The following TOM1L2 variants were observed in gnomAD, a reference collection of about 807,000 sequenced individuals.
TOM1L2 encodes TOM1-like protein 2.
In TOM1L2, 31 loss-of-function variants were observed where a neutral mutation model predicts 67.9. The observed-to-expected ratio is 0.46, with a 90% confidence interval of 0.34 to 0.62. The LOEUF (loss-of-function observed/expected upper bound fraction) is 0.62. Ranked by LOEUF, TOM1L2 falls within the 20% of genes least tolerant of loss-of-function variation. The probability of loss-of-function intolerance (pLI) is 0.01; values close to 1 mark genes in which losing one functional copy is unlikely to be tolerated. For missense variants in TOM1L2, 606 were observed against 663.5 expected, an observed-to-expected ratio of 0.91 and a Z score of 0.95; for synonymous variants, 256 against 254.0, an observed-to-expected ratio of 1.01 and a Z score of -0.07.
intron 4 of TOM1L2, among the ~76,000 whole-genome samples, chr17:17,890,063 C>G (rs73299893): frequency 0.024 from 3,674 of 152,270 alleles, 148 homozygotes; most frequent in African/African-American, 0.083. Flanking sequence ...GCAGCACTTT[C>G]TCTCCTGGGG....
chr17:17,856,711 A>G (rs2036270113), intron 12 of TOM1L2, among the ~76,000 whole-genome samples: 1 of 152,198 alleles, frequency 6.6e-6, no homozygotes, highest in South Asian at 2.1e-4. Context: ...TCTCCAGCTC[A>G]GGCTCCATCA....
chr17:17,930,151 C>T (rs1019733576), intron 1 of TOM1L2, among the ~76,000 whole-genome samples: 17 of 152,302 alleles, frequency 1.1e-4, no homozygotes, highest in Non-Finnish European at 4.4e-5. Flanking sequence ...GGTTATCAGA[C>T]CATGAGACAG....
At chr17:17,967,598 CTT>C (rs2041916872) in intron 1 of TOM1L2, among the ~76,000 whole-genome samples, 1 of 152,134 alleles carries the variant, frequency 6.6e-6, no homozygotes, top group Non-Finnish European at 1.5e-5. Context: ...CATGGCTAGG[CTT>C]TCTCTCTCTT....
intron 7 of TOM1L2, among the ~76,000 whole-genome samples, chr17:17,879,237 C>T (rs572158808): frequency 6.6e-6 from 1 of 152,180 alleles, no homozygotes; most frequent in Non-Finnish European, 1.5e-5. Flanking sequence ...AGAAATAGTA[C>T]AAGCTCAACT....
chr17:17,954,593 G>A (rs1322355703), intron 1 of TOM1L2, among the ~76,000 whole-genome samples: 1 of 152,194 alleles, frequency 6.6e-6, no homozygotes, highest in South Asian at 2.1e-4. Flanking sequence ...GATTACAAGT[G>A]TGAGCCACCG....
At chr17:17,909,096 G>A (rs1227640735) in intron 1 of TOM1L2, among the ~76,000 whole-genome samples, 1 of 152,158 alleles carries the variant, frequency 6.6e-6, no homozygotes, top group Non-Finnish European at 1.5e-5. Context: ...CAGGAGAATG[G>A]CGTAAACCCA....
chr17:17,900,664 T>C (rs2038810232), intron 2 of TOM1L2, among the ~76,000 whole-genome samples: 1 of 152,152 alleles, frequency 6.6e-6, no homozygotes, highest in Non-Finnish European at 1.5e-5. Context: ...TCTTGGCCCC[T>C]GGGTCAAAGG....
At chr17:17,890,239 G>A (rs1250689623) in intron 4 of TOM1L2, among the ~76,000 whole-genome samples, 4 of 152,114 alleles carry the variant, frequency 2.6e-5, no homozygotes, top group Non-Finnish European at 4.4e-5. Context: ...GTGAGGATGC[G>A]AAGCAACTAA....
At position 17,960,906 on chromosome 17, in the gene TOM1L2, G is replaced by T. The variant is rs550418562; in HGVS notation, c.52+11356C>A. On this transcript the variant is annotated intron_variant, in intron 1 of 14. Coordinates refer to ENST00000379504, the MANE Select transcript of TOM1L2 (RefSeq NM_001082968.2). ...CGACTGAAAGATAAGGGCATGACAC[G>T]GAAGGTACAAGCAACAAAAGAAAAA... Among the ~76,000 whole-genome samples, 3 of 152,196 alleles carry T rather than the reference G, an allele frequency of 2.0e-5. No individual in the cohort carries two copies. The South Asian group carries it at 6.2e-4, about 32-fold the overall frequency.
chr17:17,884,868 C>A, intron 4 of TOM1L2, 100 bp from the exon 5 acceptor site: 7 of 1,485,690 alleles, frequency 4.7e-6, no homozygotes, highest in Non-Finnish European at 6.4e-6. Context: ...CCAGTGCTCT[C>A]CTACTTGCAC....
chr17:17,905,037 C>CA lies in TOM1L2; in HGVS notation c.137+2409dup, dbSNP rs545422622. ...CAGTAAACATGGCCAGATGACTGGA[C>CA]AAACAAGTGAATGAGTGGCATGTTA... On this transcript the variant is annotated intron_variant, in intron 2 of 14. Transcript: ENST00000379504. 5.4e-4 allele frequency among the ~76,000 whole-genome samples: 82 copies of CA among 152,206 alleles called. 1 individual carries two copies. The highest frequency in any genetic ancestry group is 5.0e-3 in the Admixed American group (77 of 15,300).
rs1358678102 is a variant in TOM1L2, at chr17:17,857,885, T to C, written c.1278+3591A>G. On this transcript the variant is annotated intron_variant, in intron 12 of 14. Transcript: ENST00000379504. ...GAAAGAAAAGTCACAGCAAGACCCA[T>C]GAGAAAGAAGTCAATAGCACATATT... 2.0e-5 allele frequency: 30 copies of C among 1,526,736 alleles called. No homozygotes were observed. In the African/African-American group the frequency reaches 2.5e-4, roughly 13 times the overall value. 94.6% of individuals were successfully genotyped at this position (1,526,736 alleles called of 1,614,324 possible).
intron 1 of TOM1L2, among the ~76,000 whole-genome samples, chr17:17,923,638 C>T (rs1034716917): frequency 1.3e-5 from 2 of 151,904 alleles, no homozygotes; most frequent in African/African-American, 2.4e-5. Flanking sequence ...TACAGTGAGT[C>T]GTGATCGCAC....
intron 1 of TOM1L2, among the ~76,000 whole-genome samples, chr17:17,932,640 T>C (rs574845033): frequency 2.6e-5 from 4 of 152,290 alleles, no homozygotes; most frequent in South Asian, 2.1e-4. Flanking sequence ...TGGTGGGGAA[T>C]GTACTTTGGA....
intron 6 of TOM1L2, among the ~76,000 whole-genome samples, chr17:17,880,609 C>T (rs1005463931): frequency 6.6e-6 from 1 of 152,142 alleles, no homozygotes; most frequent in Non-Finnish European, 1.5e-5. Context: ...GACAAGAGAC[C>T]AAATAACGCT....
At chr17:17,949,638 C>T (rs1249111790) in intron 1 of TOM1L2, among the ~76,000 whole-genome samples, 1 of 152,168 alleles carries the variant, frequency 6.6e-6, no homozygotes, top group Non-Finnish European at 1.5e-5. Flanking sequence ...GAATCTCCCA[C>T]ATAAGCGAGA....
At chr17:17,865,997 C>T (rs1337362020) in intron 10 of TOM1L2, among the ~76,000 whole-genome samples, 1 of 152,146 alleles carries the variant, frequency 6.6e-6, no homozygotes, top group East Asian at 1.9e-4. Context: ...CCACCTCGGC[C>T]TCCCATAGTG....
chr17:17,954,036 T>C (rs998952044), intron 1 of TOM1L2, among the ~76,000 whole-genome samples: 2 of 152,212 alleles, frequency 1.3e-5, no homozygotes, highest in Non-Finnish European at 2.9e-5. Context: ...AGTCAGATAA[T>C]TATTAAATAC....
At chr17:17,880,504 G>A (rs150799747) in intron 6 of TOM1L2, among the ~76,000 whole-genome samples, 3 of 152,278 alleles carry the variant, frequency 2.0e-5, no homozygotes, top group Non-Finnish European at 4.4e-5. Flanking sequence ...CAACCCCCTC[G>A]AAGGATCTGC....
Sources: allele counts gnomAD v4.1 joint callset (sites outside exome capture counted in the v4.1 genomes callset), GRCh38; gene constraint gnomAD v4.1.1; transcripts MANE v1.5; gene names NCBI Gene and HGNC (gene_info 2026-07-23, HGNC 2026-07-21).